The following DNAJC10 variants were observed in gnomAD, a reference collection of about 807,000 sequenced individuals.
DNAJC10 encodes DnaJ heat shock protein family (Hsp40) member C10.
In DNAJC10, 101 loss-of-function variants were observed where a neutral mutation model predicts 115.0. That is an observed-to-expected ratio of 0.88 (90% confidence interval 0.75 to 1.04). The LOEUF is 1.04. DNAJC10 is among the 50% of genes least tolerant of loss of function. DNAJC10 has a pLI of 0.00. For missense variants in DNAJC10, 981 were observed against 928.8 expected, an observed-to-expected ratio of 1.06 and a Z score of -0.73; for synonymous variants, 307 against 301.5, an observed-to-expected ratio of 1.02 and a Z score of -0.19.
Position 182,752,120 on chromosome 2 carries a change from A to T in DNAJC10, c.1483A>T (p.Asn495Tyr), listed in dbSNP as rs371935982. 5 of 1,613,884 alleles carry T rather than the reference A, an allele frequency of 3.1e-6. No homozygotes were observed. Among genetic ancestry groups the T allele is most frequent in the Non-Finnish European group, 4.2e-6 (5 of 1,179,882 alleles). The stretch of plus-strand genomic sequence containing the variant: ...ACTACCAGAGTTACGAAGAGCATCA[A>T]ATCTTCTTTATGGTCAGCTTAAGTT... ...ALLPELRRAS[N>Y]LLYGQLKFGT... Residue 495 changes from asparagine (N) to tyrosine (Y), a missense_variant, in exon 16 of 24, where the codon AAT (asparagine) becomes TAT (tyrosine). Transcript: ENST00000264065.
In DNAJC10 at chr2:182,731,051, A is replaced by G. The variant is rs747319487; in HGVS notation, c.749A>G (p.Gln250Arg). Residue 250 changes from glutamine to arginine, a missense_variant, in exon 9 of 24, where the codon CAA (glutamine) becomes CGA (arginine). Transcript: ENST00000264065. ...TAAGGAAATTTTGTCAACTCCATAC[A>G]AACTGCTTTTGCTGCTGGTATTGGC... ...LWTGNFVNSI[Q>R]TAFAAGIGWL... 10 of 1,612,892 alleles carry G rather than the reference A, an allele frequency of 6.2e-6. No individual in the cohort carries two copies. Among genetic ancestry groups the G allele is most frequent in the South Asian group, 1.1e-5 (1 of 90,882 alleles).
chr2:182,750,668 C>G (rs1424834240), intron 14 of DNAJC10, among the ~76,000 whole-genome samples: 1 of 152,152 alleles, frequency 6.6e-6, no homozygotes, highest in Non-Finnish European at 1.5e-5. Context: ...GCCTATTGCT[C>G]TTAGGCTACA....
chr2:182,760,728 G>GA (rs1169502280), intron 21 of DNAJC10, among the ~76,000 whole-genome samples: 1 of 152,108 alleles, frequency 6.6e-6, no homozygotes, highest in Non-Finnish European at 1.5e-5. Context: ...ACTGGAATGA[G>GA]AAAGTCAGCT....
Position 182,780,713 on chromosome 2 carries a change from T to C in DNAJC10, c.*3581T>C, listed in dbSNP as rs1433569621. 3 of 152,306 alleles carry C rather than the reference T, an allele frequency of 2.0e-5. No homozygotes were observed. The highest frequency in any genetic ancestry group is 3.9e-4 in the East Asian group (2 of 5,178). 9.4% of individuals were successfully genotyped at this position (152,306 alleles called of 1,614,324 possible). ...TAACACTGAATTTACACTTAGATTC[T>C]TGTACTGTCACTGAGTCCCCTTGTA... On this transcript the variant is annotated 3_prime_UTR_variant, in exon 24 of 24. Coordinates refer to ENST00000264065, the MANE Select transcript of DNAJC10 (RefSeq NM_018981.4).
At chr2:182,752,409 A>G (rs926433443) in intron 16 of DNAJC10, 3 of 349,798 alleles carry the variant, frequency 8.6e-6, no homozygotes, top group African/African-American at 6.4e-5. Flanking sequence ...ATAAGGTCTT[A>G]TTTATCAAAC....
chr2:182,742,011 A>G (rs2105647472), intron 13 of DNAJC10, among the ~76,000 whole-genome samples: 1 of 152,250 alleles, frequency 6.6e-6, no homozygotes, highest in Non-Finnish European at 1.5e-5. Flanking sequence ...TTATATGGAT[A>G]TAAAATCTCT....
In DNAJC10 at chr2:182,719,976, TA is replaced by T. The variant is rs1693106492; in HGVS notation, c.205-29del. The T allele has an allele frequency of 3.9e-6, 5 of 1,273,672 alleles. No homozygotes were observed. The South Asian group carries it at 6.7e-5, about 17-fold the overall frequency. 78.9% of individuals were successfully genotyped at this position (1,273,672 alleles called of 1,614,324 possible). A position where few individuals can be genotyped will look rare whatever the true frequency, so the allele number is the denominator to read the frequency against. ...AGAAACTTGGATTGTGTATCTGAAA[TA>T]ATTGTATTATATCTAATATTTTTTA... On this transcript the variant is annotated intron_variant, in intron 3 of 23. Transcript: ENST00000264065.
chr2:182,768,841 T>A (rs1694483089), intron 22 of DNAJC10, among the ~76,000 whole-genome samples: 1 of 152,222 alleles, frequency 6.6e-6, no homozygotes, highest in African/African-American at 2.4e-5. Flanking sequence ...TTGTTTTAAT[T>A]ATACTCTAAG....
chr2:182,739,468 A>G (rs1327459255), intron 11 of DNAJC10: 44 of 1,026,638 alleles, frequency 4.3e-5, no homozygotes, highest in Non-Finnish European at 4.8e-5. Flanking sequence ...AATTAAAGAC[A>G]TATATTAAAC....
chr2:182,752,310 A>G (rs930522096), intron 16 of DNAJC10, 122 bp downstream of exon 16: 33 of 483,352 alleles, frequency 6.8e-5, no homozygotes, highest in African/African-American at 6.1e-4. Flanking sequence ...AGTAGTAACA[A>G]ATTATTTAAA....
intron 22 of DNAJC10, among the ~76,000 whole-genome samples, chr2:182,771,406 C>T (rs1470629192): frequency 6.6e-6 from 1 of 152,144 alleles, no homozygotes; most frequent in African/African-American, 2.4e-5. Context: ...GGAATGGTAC[C>T]AGCTCCTCTT....
chr2:182,721,488 G>A (rs1424536401), intron 4 of DNAJC10, among the ~76,000 whole-genome samples: 2 of 152,070 alleles, frequency 1.3e-5, no homozygotes, highest in East Asian at 3.8e-4. Context: ...CTAAATATTT[G>A]TGTCTGCCTC....
At chr2:182,719,382 T>C (rs1345538930) in intron 3 of DNAJC10, among the ~76,000 whole-genome samples, 1 of 150,936 alleles carries the variant, frequency 6.6e-6, no homozygotes, top group Non-Finnish European at 1.5e-5. Flanking sequence ...CCCTCCTGAG[T>C]AGCTGGGATT....
chr2:182,718,225 A>G lies in DNAJC10; in HGVS notation c.139A>G (p.Ser47Gly), dbSNP rs755752138. The G allele has an allele frequency of 6.2e-7, 1 of 1,613,294 alleles. No individual in the cohort carries two copies. The highest frequency in any genetic ancestry group is 1.1e-5 in the South Asian group (1 of 90,858). The change falls in exon 3 of 24, where the codon AGC (serine) becomes GGC (glycine). Residue 47 changes from serine to glycine, a missense_variant. Physicochemically the swap from Ser to Gly is moderately conservative, Grantham distance 56. Transcript: ENST00000264065. ...TTTACTTGGAGTGTCCAAAACTGCA[A>G]GCAGTAGAGAAATAAGACAAGCTTT... is the stretch of plus-strand genomic sequence containing the variant. ...YSLLGVSKTASSREIRQAFKK... is the reference protein window; with the variant it reads ...YSLLGVSKTAGSREIRQAFKK...
chr2:182,756,348 C>T lies in DNAJC10; in HGVS notation c.1688C>T (p.Pro563Leu). The T allele has an allele frequency of 1.9e-6, 3 of 1,613,768 alleles. No homozygotes were observed. The highest frequency in any genetic ancestry group is 2.5e-6 in the Non-Finnish European group (3 of 1,179,804). Residue 563 changes from proline to leucine, a missense_variant, in exon 18 of 24, where the codon CCC becomes CTC. Pro to Leu is a moderately conservative substitution (Grantham distance 98). Transcript: ENST00000264065. The stretch of plus-strand genomic sequence containing the variant: ...AATCCTTCAGTGGTCTCCCTTACAC[C>T]CACCACCTTCAACGAACTAGTTACA... ...LMNPSVVSLT[P>L]TTFNELVTQR...
intron 22 of DNAJC10, among the ~76,000 whole-genome samples, chr2:182,772,438 G>C (rs1694590440): frequency 6.6e-6 from 1 of 152,122 alleles, no homozygotes; most frequent in Non-Finnish European, 1.5e-5. Flanking sequence ...CATTATTATT[G>C]TGTGGGAGTC....
rs1415265540 is a variant in DNAJC10 at position 182,781,376 on chromosome 2, T to C, written c.*4244T>C. 6.6e-6 allele frequency: 1 copy of C among 152,194 alleles called. No individual in the cohort carries two copies. Among genetic ancestry groups the C allele is most frequent in the Non-Finnish European group, 1.5e-5 (1 of 68,040 alleles). The allele number at this position is 152,194 out of a possible 1,614,324, so 9.4% of individuals were successfully genotyped here. A position where few individuals can be genotyped will look rare whatever the true frequency, so the allele number is the denominator to read the frequency against. ...TCCAGTCTAACATTGATGGGCATTT[T>C]GGTTGGTTCCAAGTGTTTCCTATTG... On this transcript the variant is annotated 3_prime_UTR_variant, in exon 24 of 24. Coordinates refer to ENST00000264065, the MANE Select transcript of DNAJC10 (RefSeq NM_018981.4).
intron 21 of DNAJC10, among the ~76,000 whole-genome samples, chr2:182,760,020 C>T (rs1694251634): frequency 6.6e-6 from 1 of 152,056 alleles, no homozygotes; most frequent in Non-Finnish European, 1.5e-5. Context: ...AAAATATTTC[C>T]CTCTCTGACT....
chr2:182,794,290 C>T lies in DNAJC10; in HGVS notation c.*17158C>T, dbSNP rs1695104260. 6.6e-6 allele frequency: 1 copy of T among 152,118 alleles called. No individual in the cohort carries two copies. Among genetic ancestry groups the T allele is most frequent in the African/African-American group, 2.4e-5 (1 of 41,418 alleles). 9.4% of individuals were successfully genotyped at this position (152,118 alleles called of 1,614,324 possible). On this transcript the variant is annotated 3_prime_UTR_variant, in exon 24 of 24. Coordinates refer to ENST00000264065, the MANE Select transcript of DNAJC10 (RefSeq NM_018981.4). The stretch of plus-strand genomic sequence containing the variant: ...CAGAAAAATTTGAGTACATAGGAAA[C>T]AATAGATGAAGGATAGAAATAATCC...
Sources: gnomAD v4.1 joint callset for allele counts (sites outside exome capture counted in the v4.1 genomes callset) on GRCh38, gnomAD v4.1.1 for gene constraint, MANE v1.5 for transcripts, NCBI Gene and HGNC (gene_info 2026-07-23, HGNC 2026-07-21) for gene names.